The following PCNX2 variants were observed in gnomAD, a reference collection of about 807,000 sequenced individuals.
PCNX2 encodes the protein pecanex 2.
A neutral mutation model predicts 223.8 loss-of-function variants in PCNX2; 168 were observed. That is an observed-to-expected ratio of 0.75 (90% CI 0.66 to 0.85). PCNX2 has a LOEUF of 0.85. Ranked by LOEUF, PCNX2 falls within the 40% of genes least tolerant of loss-of-function variation. PCNX2 has a pLI of 0.00. For missense variants in PCNX2, 2,507 were observed against 2,675.5 expected (o/e 0.94, Z 1.39); for synonymous variants, 1,006 against 1,052.6 (o/e 0.96, Z 0.86).
chr1:233,271,521 A>G lies in PCNX2; in HGVS notation c.154-8358T>C, dbSNP rs73093205. Among the ~76,000 whole-genome samples the G allele has an allele frequency of 3.6e-3, 554 of 152,292 alleles. 1 individual carries two copies. Among genetic ancestry groups the G allele is most frequent in the African/African-American group, 0.013 (522 of 41,576 alleles). On this transcript the variant is annotated intron_variant, in intron 1 of 33. Transcript: ENST00000258229. ...GTCATGAACTTTCAAGCCTATATCA[A>G]TTAATGTTCAAATTTAATGAAGTAT...
At chr1:233,288,435 G>C (rs889163107) in intron 1 of PCNX2, among the ~76,000 whole-genome samples, 1 of 152,134 alleles carries the variant, frequency 6.6e-6, no homozygotes, top group Admixed American at 6.5e-5. Context: ...AATTTGTCAT[G>C]AACTTGTAAT....
chr1:233,262,265 T>A (rs773428132), intron 2 of PCNX2, 100 bp from the exon 3 acceptor site: 27 of 1,400,854 alleles, frequency 1.9e-5, no homozygotes, highest in Non-Finnish European at 2.0e-5. Flanking sequence ...CTAGAGTCCA[T>A]TTTGTTATAT....
intron 8 of PCNX2, among the ~76,000 whole-genome samples, chr1:233,243,324 A>C (rs1325760941): frequency 6.6e-6 from 1 of 152,230 alleles, no homozygotes; most frequent in Non-Finnish European, 1.5e-5. Context: ...AGACAGTCCC[A>C]GCCACTGAAG....
At chr1:233,320,722 A>T in the PCNX2 span, among the ~76,000 whole-genome samples, 1 of 152,362 alleles carries the variant, frequency 6.6e-6, no homozygotes, top group African/African-American at 2.4e-5. Context: ...AGATACCAAA[A>T]TGACATTGGT....
In PCNX2 at chr1:233,256,889, A is replaced by G. The variant is rs547234718; in HGVS notation, c.1834+1139T>C. Among the ~76,000 whole-genome samples the G allele has an allele frequency of 7.2e-5, 11 of 152,366 alleles. No individual in the cohort carries two copies. The South Asian group carries it at 2.3e-3, about 32-fold the overall frequency. ...GCCAGAGGAGCTCCTGGCTGTCCAG[A>G]AAGCAGAGGAAAAATCCCAGCACTA... On this transcript the variant is annotated intron_variant, in intron 5 of 33. Transcript: ENST00000258229.
At chr1:233,009,248 A>C (rs968198708) in intron 28 of PCNX2, among the ~76,000 whole-genome samples, 1 of 152,194 alleles carries the variant, frequency 6.6e-6, no homozygotes, top group Admixed American at 6.5e-5. Context: ...CACCGCTGTA[A>C]GTGTTCACTG....
intron 25 of PCNX2, among the ~76,000 whole-genome samples, chr1:233,030,982 C>G (rs1038618045): frequency 6.6e-6 from 1 of 152,108 alleles, no homozygotes; most frequent in African/African-American, 2.4e-5. Flanking sequence ...GATTCTATCC[C>G]CCTAGTTCAA....
At chr1:233,288,781 G>T in intron 1 of PCNX2, 2 of 668,122 alleles carry the variant, frequency 3.0e-6, no homozygotes, top group South Asian at 2.0e-5. Flanking sequence ...TCTTTTGGAG[G>T]CCCAGGACCC....
chr1:233,318,563 CTTTTT>C, the PCNX2 span, among the ~76,000 whole-genome samples: 2 of 92,504 alleles, frequency 2.2e-5, no homozygotes, highest in African/African-American at 8.1e-5. Flanking sequence ...TTTTCTTTTT[CTTTTT>C]TTTTTTTTTT....
intron 8 of PCNX2, 150 bp from the exon 9 acceptor site, chr1:233,237,130 T>G: frequency 9.9e-7 from 1 of 1,005,442 alleles, no homozygotes; most frequent in Non-Finnish European, 1.4e-6. Context: ...AGTTTAAAAT[T>G]ATGTATACAA....
intron 5 of PCNX2, among the ~76,000 whole-genome samples, chr1:233,257,202 G>A (rs1196101467): frequency 6.6e-6 from 1 of 152,034 alleles, no homozygotes; most frequent in Non-Finnish European, 1.5e-5. Flanking sequence ...TATGAGCAAG[G>A]ACTGTGGAAC....
chr1:233,180,894 T>C (rs1313190549), intron 15 of PCNX2: 1 of 152,216 alleles, frequency 6.6e-6, no homozygotes, highest in East Asian at 1.9e-4. Context: ...TCAGATCAGC[T>C]TCCCCGAGGG....
the PCNX2 span, among the ~76,000 whole-genome samples, chr1:233,305,592 T>C: frequency 6.6e-6 from 1 of 152,104 alleles, no homozygotes; most frequent in East Asian, 1.9e-4. Context: ...ACTACAGGCG[T>C]GTGCTCCCAC....
chr1:233,128,965 T>C (rs1456672201), intron 21 of PCNX2, among the ~76,000 whole-genome samples: 2 of 151,590 alleles, frequency 1.3e-5, no homozygotes, highest in Non-Finnish European at 2.9e-5. Context: ...GGTGACAGTG[T>C]GCTGGCAGCC....
At chr1:233,251,995 A>G (rs1450481605) in intron 7 of PCNX2, among the ~76,000 whole-genome samples, 2 of 152,284 alleles carry the variant, frequency 1.3e-5, no homozygotes, top group Non-Finnish European at 2.9e-5. Context: ...GGGAAATGCC[A>G]TTAATCAAAT....
At chr1:233,186,929 A>C (rs1680131288) in intron 15 of PCNX2, among the ~76,000 whole-genome samples, 1 of 152,206 alleles carries the variant, frequency 6.6e-6, no homozygotes, top group Non-Finnish European at 1.5e-5. Context: ...ACTTCAGGGA[A>C]AACATTAACA....
At chr1:233,082,566 C>T (rs774765713) in intron 23 of PCNX2, among the ~76,000 whole-genome samples, 3 of 152,090 alleles carry the variant, frequency 2.0e-5, no homozygotes, top group Non-Finnish European at 4.4e-5. Context: ...TATGTAAATC[C>T]CTCCCTGGCA....
At chr1:233,226,598 C>A (rs1364308009) in intron 10 of PCNX2, among the ~76,000 whole-genome samples, 1 of 152,150 alleles carries the variant, frequency 6.6e-6, no homozygotes, top group Non-Finnish European at 1.5e-5. Flanking sequence ...ACCTTAACTT[C>A]TCCTCCTCTT....
At chr1:233,172,543 G>A in intron 17 of PCNX2, 1 of 985,322 alleles carries the variant, frequency 1.0e-6, no homozygotes, top group Non-Finnish European at 1.2e-6. Context: ...CACTCTGAGA[G>A]TGTGGCACTT....
Sources: allele counts gnomAD v4.1 joint callset (sites outside exome capture counted in the v4.1 genomes callset), GRCh38; gene constraint gnomAD v4.1.1; transcripts MANE v1.5; gene names NCBI Gene and HGNC (gene_info 2026-07-23, HGNC 2026-07-21).